SLC16A7: variants seen among roughly 807,000 people sequenced by gnomAD.
The protein encoded by SLC16A7 is solute carrier family 16 member 7.
Under a neutral mutation model 34.9 loss-of-function variants are expected in SLC16A7, and 33 were observed. The ratio of observed to expected loss-of-function variants is 0.94; its 90% confidence interval spans 0.72 to 1.26. The LOEUF (loss-of-function observed/expected upper bound fraction) is 1.26, where lower values mean the gene tolerates loss of function less well. Among genes scored for constraint, SLC16A7 ranks in the 50% most tolerant of loss-of-function variants. The pLI is 0.00. For missense variants in SLC16A7, 573 were observed against 578.1 expected (o/e 0.99, Z 0.09); for synonymous variants, 201 against 206.6 (o/e 0.97, Z 0.23).
chr12:59,692,896 T>C (rs1378996937), intron 2 of SLC16A7, among the ~76,000 whole-genome samples: 1 of 151,992 alleles, frequency 6.6e-6, no homozygotes, highest in Non-Finnish European at 1.5e-5. Flanking sequence ...TTAATTTAAT[T>C]ACATGTTGGG....
At chr12:59,625,890 C>T (rs1215070654) in intron 1 of SLC16A7, among the ~76,000 whole-genome samples, 2 of 151,706 alleles carry the variant, frequency 1.3e-5, no homozygotes, top group Admixed American at 1.3e-4. Flanking sequence ...AAAAAATTAC[C>T]ATATAATTCC....
Position 59,782,534 on chromosome 12 carries a change from T to C in SLC16A7, c.*2855T>C, listed in dbSNP as rs1883319174. 6.6e-6 allele frequency: 1 copy of C among 152,206 alleles called. No homozygotes were observed. The allele number at this position is 152,206 out of a possible 1,614,324, so 9.4% of individuals were successfully genotyped here. A position where few individuals can be genotyped will look rare whatever the true frequency, so the allele number is the denominator to read the frequency against. On this transcript the variant is annotated 3_prime_UTR_variant, in exon 6 of 6. Transcript: ENST00000547379. ...ATGAAGCAAAGTCAGGGTATACCAC[T>C]ACAATCCCCACTAATCTCTATTCCC...
chr12:59,638,332 T>G (rs1432931844), intron 1 of SLC16A7, among the ~76,000 whole-genome samples: 1 of 152,132 alleles, frequency 6.6e-6, no homozygotes, highest in Non-Finnish European at 1.5e-5. Context: ...TTTTATGGCT[T>G]GCTTTAGAGA....
chr12:59,763,918 T>C (rs1881273914), intron 3 of SLC16A7: 1 of 152,178 alleles, frequency 6.6e-6, no homozygotes, highest in Non-Finnish European at 1.5e-5. Context: ...CACTACTCCA[T>C]AGACCAGCTG....
chr12:59,649,389 C>G (rs968974280), intron 1 of SLC16A7, among the ~76,000 whole-genome samples: 8 of 152,106 alleles, frequency 5.3e-5, no homozygotes, highest in Non-Finnish European at 1.0e-4. Context: ...GAGTGAGAGA[C>G]AAGAGGCATC....
At chr12:59,732,921 A>G (rs1877127025) in intron 3 of SLC16A7, among the ~76,000 whole-genome samples, 2 of 152,192 alleles carry the variant, frequency 1.3e-5, no homozygotes. Context: ...TGGGAAGAGT[A>G]TGTAATTCAT....
chr12:59,731,812 A>G (rs1244515258), intron 3 of SLC16A7, among the ~76,000 whole-genome samples: 1 of 152,204 alleles, frequency 6.6e-6, no homozygotes, highest in Non-Finnish European at 1.5e-5. Flanking sequence ...GCATTTTGTA[A>G]TGAGGATTTA....
At chr12:59,768,157 T>TG (rs201318629) in intron 3 of SLC16A7, 1 of 443,488 alleles carries the variant, frequency 2.3e-6, no homozygotes, top group Non-Finnish European at 4.5e-6. Flanking sequence ...CTGATGAATC[T>TG]GGGAAAAGGA....
intron 1 of SLC16A7, among the ~76,000 whole-genome samples, chr12:59,633,630 C>T (rs1880285108): frequency 6.6e-6 from 1 of 151,046 alleles, no homozygotes. Flanking sequence ...CTACCAGAGA[C>T]TGGGGTAATT....
At chr12:59,628,895 A>C (rs182796630) in intron 1 of SLC16A7, among the ~76,000 whole-genome samples, 86 of 151,952 alleles carry the variant, frequency 5.7e-4, no homozygotes, top group Admixed American at 1.2e-3. Context: ...CTTGGAGGTC[A>C]GTTTGTCTGT....
intron 1 of SLC16A7, among the ~76,000 whole-genome samples, chr12:59,636,231 C>G: frequency 6.6e-6 from 1 of 151,926 alleles, no homozygotes; most frequent in East Asian, 1.9e-4. Flanking sequence ...TTCTGTTTCC[C>G]TCAGATGAAC....
intron 3 of SLC16A7, chr12:59,768,247 C>T (rs974794427): frequency 1.1e-5 from 5 of 453,626 alleles, no homozygotes; most frequent in Non-Finnish European, 2.2e-5. Context: ...GGTCAAAATA[C>T]CAACATTAAC....
chr12:59,768,548 GT>G (rs951836601), intron 3 of SLC16A7, among the ~76,000 whole-genome samples: 2 of 152,116 alleles, frequency 1.3e-5, no homozygotes, highest in African/African-American at 4.8e-5. Context: ...CATAAACTTA[GT>G]TGATAAAGCA....
chr12:59,760,967 A>G (rs1880952516), intron 3 of SLC16A7: 1 of 153,664 alleles, frequency 6.5e-6, no homozygotes, highest in African/African-American at 2.4e-5. Context: ...TTAGTGAAAT[A>G]TATCGTAACA....
At chr12:59,650,855 C>T (rs1469726664) in intron 1 of SLC16A7, among the ~76,000 whole-genome samples, 3 of 152,148 alleles carry the variant, frequency 2.0e-5, no homozygotes, top group Non-Finnish European at 2.9e-5. Context: ...AAAAGCACCA[C>T]ATCATATTTG....
At chr12:59,642,117 AG>A (rs1308444622) in intron 1 of SLC16A7, among the ~76,000 whole-genome samples, 1 of 152,020 alleles carries the variant, frequency 6.6e-6, no homozygotes, top group Non-Finnish European at 1.5e-5. Context: ...CTGGAGACAA[AG>A]TTTTTGAACT....
intron 5 of SLC16A7, among the ~76,000 whole-genome samples, chr12:59,775,972 A>G (rs1187329234): frequency 1.3e-5 from 2 of 152,204 alleles, no homozygotes; most frequent in Non-Finnish European, 2.9e-5. Context: ...GAATATATTC[A>G]TGTATCTATT....
At chr12:59,766,170 A>C (rs947599251) in intron 3 of SLC16A7, among the ~76,000 whole-genome samples, 1 of 152,138 alleles carries the variant, frequency 6.6e-6, no homozygotes. Context: ...TGATTTTTGC[A>C]CATTGATTTT....
rs977406931 is a variant in SLC16A7, at chr12:59,786,156, G to A, written c.*6477G>A. The A allele has an allele frequency of 6.7e-6, 1 of 150,312 alleles. No individual in the cohort carries two copies. Among genetic ancestry groups the A allele is most frequent in the Non-Finnish European group, 1.5e-5 (1 of 67,694 alleles). 9.3% of individuals were successfully genotyped at this position (150,312 alleles called of 1,614,324 possible). A position where few individuals can be genotyped will look rare whatever the true frequency, so the allele number is the denominator to read the frequency against. On this transcript the variant is annotated 3_prime_UTR_variant, in exon 6 of 6. Coordinates refer to ENST00000547379, the MANE Select transcript of SLC16A7 (RefSeq NM_001270623.2). Reference sequence around the variant, plus strand: ...CATATGTAACTAACCTGCACATTGTGCACATGTACCCTAAAACTTAAAGTA... The same window carrying A: ...CATATGTAACTAACCTGCACATTGTACACATGTACCCTAAAACTTAAAGTA...
Sources: gnomAD v4.1 joint callset for allele counts (sites outside exome capture counted in the v4.1 genomes callset) on GRCh38, gnomAD v4.1.1 for gene constraint, MANE v1.5 for transcripts, NCBI Gene and HGNC (gene_info 2026-07-23, HGNC 2026-07-21) for gene names.